RARB: variants seen among roughly 807,000 people sequenced by gnomAD.
RARB encodes the protein retinoic acid receptor beta.
A neutral mutation model predicts 51.9 loss-of-function variants in RARB; 17 were observed. The ratio of observed to expected loss-of-function variants is 0.33; its 90% CI spans 0.22 to 0.49. The LOEUF is 0.49. Ranked by LOEUF, RARB falls within the 20% of genes least tolerant of loss-of-function variation. The pLI is 0.99. For missense variants in RARB, 369 were observed against 550.8 expected (o/e 0.67, Z 3.30); for synonymous variants, 215 against 195.4 (o/e 1.10, Z -0.84).
Position 25,076,144 on chromosome 3 carries a change from T to A in RARB, c.-328+15968T>A, listed in dbSNP as rs1335631064. ...AAGTAGTATCCCCAGAAGCAGTTAT[T>A]TATTTTTTTTTTTTTTAGACAAAAT... is the stretch of plus-strand genomic sequence containing the variant. On this transcript the variant is annotated intron_variant, in intron 3 of 11. Transcript: ENST00000383772. Among the ~76,000 whole-genome samples the A allele has an allele frequency of 9.4e-5, 7 of 74,450 alleles. 1 individual carries two copies. The Admixed American group carries it at 1.1e-3, about 12-fold the overall frequency. The allele number at this position is 74,450 out of a possible 152,430, so 48.8% of individuals were successfully genotyped here.
intron 5 of RARB, among the ~76,000 whole-genome samples, chr3:25,420,591 A>C (rs1164358679): frequency 6.6e-6 from 1 of 152,210 alleles, no homozygotes; most frequent in East Asian, 1.9e-4. Flanking sequence ...AGAAAGATAC[A>C]TGCATGATCT....
At position 24,973,891 on chromosome 3, in the gene RARB, T is replaced by G. The variant is rs556718264; in HGVS notation, c.-379-86234T>G. Among the ~76,000 whole-genome samples the G allele has an allele frequency of 1.2e-4, 18 of 152,232 alleles. No homozygotes were observed. In the South Asian group the frequency reaches 1.2e-3, roughly 11 times the overall value. On this transcript the variant is annotated intron_variant, in intron 2 of 11. Coordinates refer to the RARB transcript ENST00000383772. Reference sequence around the variant, plus strand: ...TTTTAAAATGTAAGATTATGTCATCTGCATACAAGGCTAATTTGACTTCCT... The same window carrying G: ...TTTTAAAATGTAAGATTATGTCATCGGCATACAAGGCTAATTTGACTTCCT...
At chr3:24,931,116 G>A (rs894155943) in intron 2 of RARB, among the ~76,000 whole-genome samples, 1 of 152,020 alleles carries the variant, frequency 6.6e-6, no homozygotes, top group African/African-American at 2.4e-5. Flanking sequence ...CAGACAGTCT[G>A]GCTTCACAGT....
At chr3:25,197,918 A>G (rs575062331) in intron 5 of RARB, among the ~76,000 whole-genome samples, 1 of 152,084 alleles carries the variant, frequency 6.6e-6, no homozygotes, top group Non-Finnish European at 1.5e-5. Context: ...TCTTCACAGA[A>G]ATAGAAAAAA....
intron 5 of RARB, among the ~76,000 whole-genome samples, chr3:25,325,693 G>A (rs1032890096): frequency 4.6e-4 from 70 of 151,704 alleles, no homozygotes; most frequent in Non-Finnish European, 1.0e-4. Context: ...ATGTTGTGGT[G>A]ATGAGCCCTC....
intron 2 of RARB, among the ~76,000 whole-genome samples, chr3:25,473,580 A>G (rs1390076197): frequency 6.6e-6 from 1 of 152,174 alleles, no homozygotes; most frequent in Non-Finnish European, 1.5e-5. Flanking sequence ...GGCTTTATAA[A>G]TGTTCAAGGT....
chr3:25,515,833 A>T (rs1028320842), intron 3 of RARB, among the ~76,000 whole-genome samples: 3 of 152,240 alleles, frequency 2.0e-5, no homozygotes, highest in Non-Finnish European at 2.9e-5. Context: ...TGATATGTAC[A>T]TGCAAAACTA....
At chr3:25,563,460 A>G (rs1384642992) in intron 3 of RARB, among the ~76,000 whole-genome samples, 1 of 152,176 alleles carries the variant, frequency 6.6e-6, no homozygotes, top group Non-Finnish European at 1.5e-5. Flanking sequence ...CAGGCACTTT[A>G]TTAGGAAAAA....
chr3:25,387,695 C>G (rs1286387705), intron 5 of RARB, among the ~76,000 whole-genome samples: 1 of 152,148 alleles, frequency 6.6e-6, no homozygotes, highest in Non-Finnish European at 1.5e-5. Context: ...CTCTCCCCAT[C>G]TCTTGGGGTC....
chr3:24,878,332 T>G (rs1315711045), intron 2 of RARB, among the ~76,000 whole-genome samples: 1 of 151,974 alleles, frequency 6.6e-6, no homozygotes, highest in Non-Finnish European at 1.5e-5. Context: ...GAAGTTTTCA[T>G]CTTTCTGCTT....
intron 5 of RARB, among the ~76,000 whole-genome samples, chr3:25,227,075 A>G (rs1475312254): frequency 6.6e-6 from 1 of 152,242 alleles, no homozygotes; most frequent in Non-Finnish European, 1.5e-5. Flanking sequence ...CAGACACTGT[A>G]AAGATGTTGC....
At chr3:24,968,000 CTG>C (rs1445656520) in intron 2 of RARB, among the ~76,000 whole-genome samples, 8 of 152,156 alleles carry the variant, frequency 5.3e-5, no homozygotes, top group Admixed American at 4.6e-4. Context: ...TCTAATGAAA[CTG>C]TAAAACAATT....
intron 4 of RARB, among the ~76,000 whole-genome samples, chr3:25,579,448 T>G (rs1015812640): frequency 1.3e-5 from 2 of 152,258 alleles, no homozygotes; most frequent in African/African-American, 2.4e-5. Flanking sequence ...GAACGTCATA[T>G]AAATGGAATC....
At chr3:25,344,401 T>G (rs1652938159) in intron 5 of RARB, among the ~76,000 whole-genome samples, 1 of 152,172 alleles carries the variant, frequency 6.6e-6, no homozygotes, top group African/African-American at 2.4e-5. Flanking sequence ...GAGAGATTGG[T>G]AAGTGGTTGA....
chr3:25,003,116 A>G (rs1697201436), intron 2 of RARB, among the ~76,000 whole-genome samples: 1 of 151,430 alleles, frequency 6.6e-6, no homozygotes, highest in African/African-American at 2.4e-5. Context: ...CTTGATCCTC[A>G]TAGCCTTTGC....
At chr3:24,989,860 C>T (rs536084351) in intron 2 of RARB, among the ~76,000 whole-genome samples, 2 of 80,590 alleles carry the variant, frequency 2.5e-5, no homozygotes, top group South Asian at 1.2e-3. Flanking sequence ...ACTGCAGTGG[C>T]GCAATCTCGG....
chr3:25,237,331 A>G (rs1220115295), intron 5 of RARB, among the ~76,000 whole-genome samples: 1 of 152,154 alleles, frequency 6.6e-6, no homozygotes, highest in Non-Finnish European at 1.5e-5. Context: ...TAATGTAACC[A>G]GAATATTCTT....
chr3:25,594,762 T>A (rs974198406), intron 7 of RARB, 84 bp downstream of exon 7: 1 of 1,251,438 alleles, frequency 8.0e-7, no homozygotes, highest in African/African-American at 1.5e-5. Context: ...CAATTCAGGA[T>A]GTTTAATGGC....
intron 2 of RARB, among the ~76,000 whole-genome samples, chr3:24,883,356 T>TTTGTG: frequency 7.0e-6 from 1 of 143,672 alleles, no homozygotes; most frequent in South Asian, 2.3e-4. Flanking sequence ...TCAACAATCA[T>TTTGTG]TGTGTGTGTG....
Sources: gnomAD v4.1 joint callset for allele counts (sites outside exome capture counted in the v4.1 genomes callset) on GRCh38, gnomAD v4.1.1 for gene constraint, MANE v1.5 for transcripts, NCBI Gene and HGNC (gene_info 2026-07-23, HGNC 2026-07-21) for gene names.